PRKAG2: variants seen among roughly 807,000 people sequenced by gnomAD.
The protein encoded by PRKAG2 is protein kinase AMP-activated non-catalytic subunit gamma 2, also known as 5'-AMP-activated protein kinase subunit gamma-2.
In PRKAG2, 26 loss-of-function variants were observed where a neutral mutation model predicts 69.6. That is an observed-to-expected ratio of 0.37 (90% CI 0.27 to 0.52). The LOEUF is 0.52. PRKAG2 is among the 20% of genes least tolerant of loss of function. The pLI is 0.90. For synonymous variants in PRKAG2, 293 were observed against 285.0 expected (o/e 1.03, Z -0.28); for missense variants, 557 against 740.0 (o/e 0.75, Z 2.87).
chr7:151,579,741 A>G (rs1039144718), intron 6 of PRKAG2, among the ~76,000 whole-genome samples: 13 of 152,294 alleles, frequency 8.5e-5, no homozygotes, highest in African/African-American at 3.1e-4. Flanking sequence ...AAACACAAAG[A>G]AAACCACACC....
rs906408540 is a variant in PRKAG2, at chr7:151,788,030, C to T, written c.115-1489G>A. On this transcript the variant is annotated intron_variant, in intron 1 of 15. Transcript: ENST00000287878. This position sits in a 1 kb window ranked among gnomAD's most constrained non-coding sequence, Gnocchi z 4.6. ...AAGCCACCCCACTTAATCTGTAGTG[C>T]TTTGCTATGGCAGCCTAGCAAACCA... Among the ~76,000 whole-genome samples, 10 of 152,226 alleles carry T rather than the reference C, an allele frequency of 6.6e-5. No individual in the cohort carries two copies. The highest frequency in any genetic ancestry group is 6.5e-5 in the Admixed American group (1 of 15,280).
At chr7:151,568,903 C>CT in intron 10 of PRKAG2, 61 bp from the exon 11 acceptor site, 2 of 1,580,122 alleles carry the variant, frequency 1.3e-6, no homozygotes, top group Non-Finnish European at 1.7e-6. Flanking sequence ...ACACTTTGGA[C>CT]TACCCCTGCC....
chr7:151,765,893 G>T (rs74836465), intron 3 of PRKAG2, among the ~76,000 whole-genome samples: 2,071 of 152,218 alleles, frequency 0.014, 59 homozygotes, highest in African/African-American at 0.048. Context: ...ATTCCTGTGT[G>T]ACCCCTGGCA....
intron 3 of PRKAG2, among the ~76,000 whole-genome samples, chr7:151,773,415 G>T (rs1176923333): frequency 6.6e-6 from 1 of 152,186 alleles, no homozygotes; most frequent in Non-Finnish European, 1.5e-5. Context: ...GTGGACTTCG[G>T]AGTTCAACCA....
chr7:151,814,753 G>A lies in PRKAG2; in HGVS notation c.115-28212C>T. ...CTAAGACAGCGCAGGCAACGGTCTT[G>A]GTGGCTGGAGCTGCTTTGCTGCTCA... On this transcript the variant is annotated intron_variant, in intron 1 of 15. Coordinates refer to ENST00000287878, the MANE Select transcript of PRKAG2 (RefSeq NM_016203.4). The surrounding 1 kb of genome is among the most constrained non-coding windows in gnomAD (Gnocchi z 4.8). The A allele has an allele frequency of 1.6e-6, 2 of 1,229,142 alleles. No homozygotes were observed. The highest frequency in any genetic ancestry group is 2.0e-6 in the Non-Finnish European group (2 of 986,166). 76.1% of individuals were successfully genotyped at this position (1,229,142 alleles called of 1,614,324 possible). A position where few individuals can be genotyped will look rare whatever the true frequency, so the allele number is the denominator to read the frequency against.
At position 151,660,111 on chromosome 7, in the gene PRKAG2, A is replaced by G. The variant is rs1830098457; in HGVS notation, c.684+15309T>C. On this transcript the variant is annotated intron_variant, in intron 4 of 15. Coordinates refer to ENST00000287878, the MANE Select transcript of PRKAG2 (RefSeq NM_016203.4). Reference sequence around the variant, plus strand: ...CCTACATTCCGGAAAAGAATAAACCATATTAATACCACATCCCAATGCTAG... The same window carrying G: ...CCTACATTCCGGAAAAGAATAAACCGTATTAATACCACATCCCAATGCTAG... Among the ~76,000 whole-genome samples the G allele has an allele frequency of 2.6e-5, 4 of 152,212 alleles. No homozygotes were observed. The South Asian group carries it at 8.3e-4, about 32-fold the overall frequency.
chr7:151,842,898 T>C (rs1361483357), intron 1 of PRKAG2, among the ~76,000 whole-genome samples: 1 of 151,920 alleles, frequency 6.6e-6, no homozygotes, highest in South Asian at 2.1e-4. Flanking sequence ...GTCTTTAGGA[T>C]AGAAAACAAG....
At chr7:151,623,317 T>C (rs12667222) in intron 5 of PRKAG2, among the ~76,000 whole-genome samples, 3,122 of 132,650 alleles carry the variant, frequency 0.024, 120 homozygotes, top group East Asian at 0.19. Context: ...TGAGCCGAGA[T>C]TGCGCCACTG....
At chr7:151,683,511 C>T (rs6951177) in intron 3 of PRKAG2, among the ~76,000 whole-genome samples, 52,082 of 151,702 alleles carry the variant, frequency 0.34, 8,972 homozygotes, top group Middle Eastern at 0.39. Context: ...GCCTGAGGAA[C>T]GGAACGACAA....
intron 1 of PRKAG2, among the ~76,000 whole-genome samples, chr7:151,818,610 C>T (rs762682440): frequency 1.4e-4 from 22 of 152,244 alleles, no homozygotes; most frequent in Admixed American, 9.2e-4. Context: ...CCATATTCTA[C>T]CCCCCTTTTA....
chr7:151,845,950 G>A (rs2079421556), intron 1 of PRKAG2, among the ~76,000 whole-genome samples: 1 of 152,200 alleles, frequency 6.6e-6, no homozygotes, highest in African/African-American at 2.4e-5. Context: ...ACAGACGGGT[G>A]CTGTCCTCAG....
rs1367439201 is a variant in PRKAG2 at position 151,618,434 on chromosome 7, TAAGAGCAAGACTCCGTCTCA to T, written c.754+13615_754+13634del. On this transcript the variant is annotated intron_variant, in intron 5 of 15. Coordinates refer to ENST00000287878, the MANE Select transcript of PRKAG2 (RefSeq NM_016203.4). ...TGCCACTGCACTCTAGCCTGGGCAA[TAAGAGCAAGACTCCGTCTCA>T]AAATAAAATAAAATAAAATAAAATA... Among the ~76,000 whole-genome samples the T allele has an allele frequency of 2.8e-5, 4 of 141,118 alleles. No individual in the cohort carries two copies. The South Asian group carries it at 6.6e-4, about 23-fold the overall frequency. The allele number at this position is 141,118 out of a possible 152,430, so 92.6% of individuals were successfully genotyped here.
Position 151,748,850 on chromosome 7 carries a change from C to T in PRKAG2, c.466+32302G>A, listed in dbSNP as rs993723322. Reference sequence around the variant, plus strand: ...CATCCGTGCCGTGCCACCTGGCCTTCGCCCCGCCGCGCCCGCAGCCAGAGA... The same window carrying T: ...CATCCGTGCCGTGCCACCTGGCCTTTGCCCCGCCGCGCCCGCAGCCAGAGA... On this transcript the variant is annotated intron_variant, in intron 3 of 15. Coordinates refer to ENST00000287878, the MANE Select transcript of PRKAG2 (RefSeq NM_016203.4). Among the ~76,000 whole-genome samples, 7 of 152,266 alleles carry T rather than the reference C, an allele frequency of 4.6e-5. No homozygotes were observed. The East Asian group carries it at 7.7e-4, about 17-fold the overall frequency.
chr7:151,566,713 GAA>G (rs898448729), intron 11 of PRKAG2: 58 of 286,894 alleles, frequency 2.0e-4, no homozygotes, highest in Middle Eastern at 1.3e-3. Context: ...GAAATTTAGA[GAA>G]AAAAAAAAAG....
intron 3 of PRKAG2, among the ~76,000 whole-genome samples, chr7:151,684,320 A>G (rs867024973): frequency 1.3e-5 from 2 of 152,150 alleles, no homozygotes; most frequent in South Asian, 2.1e-4. Flanking sequence ...TACAGTTTCC[A>G]GCCTCCACTC....
At chr7:151,600,590 G>C (rs1051701116) in intron 5 of PRKAG2, among the ~76,000 whole-genome samples, 18 of 152,126 alleles carry the variant, frequency 1.2e-4, no homozygotes, top group Non-Finnish European at 2.5e-4. Flanking sequence ...CTCCTGATGT[G>C]GAATAAATTC....
At position 151,873,220 on chromosome 7, in the gene PRKAG2, G is replaced by A. The variant is rs547338237; in HGVS notation, c.114+3287C>T. 7.2e-5 allele frequency among the ~76,000 whole-genome samples: 11 copies of A among 152,196 alleles called. No individual in the cohort carries two copies. In the East Asian group the frequency reaches 1.6e-3, roughly 21 times the overall value. ...CACCTGGAAGCAGCCATCCCCTCCC[G>A]CCCGATTCTGTGGGGTGCTCCCACT... On this transcript the variant is annotated intron_variant, in intron 1 of 15. Transcript: ENST00000287878.
Position 151,578,095 on chromosome 7 carries a change from C to T in PRKAG2, c.865-1643G>A, listed in dbSNP as rs557768047. On this transcript the variant is annotated intron_variant, in intron 6 of 15. Coordinates refer to ENST00000287878, the MANE Select transcript of PRKAG2 (RefSeq NM_016203.4). ...GTGGCCCACGCCTGTAATCCTAGCA[C>T]TCTGGGAGGCCCCCCGAGATGGGCA... Among the ~76,000 whole-genome samples the T allele has an allele frequency of 4.0e-5, 6 of 151,462 alleles. No homozygotes were observed. The South Asian group carries it at 1.0e-3, about 26-fold the overall frequency.
chr7:151,757,775 C>T (rs888480713), intron 3 of PRKAG2, among the ~76,000 whole-genome samples: 1 of 152,200 alleles, frequency 6.6e-6, no homozygotes, highest in Non-Finnish European at 1.5e-5. Context: ...CCCCCGCCAC[C>T]CCATCATGAA....
Sources: allele counts gnomAD v4.1 joint callset (sites outside exome capture counted in the v4.1 genomes callset), GRCh38; gene constraint gnomAD v4.1.1; non-coding constraint Gnocchi (gnomAD v3.1); transcripts MANE v1.5; gene names NCBI Gene and HGNC (gene_info 2026-07-23, HGNC 2026-07-21).